The following CTPS2 variants were observed in gnomAD, a reference collection of about 807,000 sequenced individuals.
The protein encoded by CTPS2 is CTP synthase II.
Under a neutral mutation model 46.8 loss-of-function variants are expected in CTPS2, and 19 were observed. The observed-to-expected ratio is 0.41, with a 90% CI of 0.28 to 0.60. CTPS2 has a LOEUF of 0.60. CTPS2 is among the 20% of genes least tolerant of loss of function. The pLI is 0.35. For synonymous variants in CTPS2, 151 were observed against 165.2 expected, an observed-to-expected ratio of 0.91 and a Z score of 0.66; for missense variants, 286 against 447.6, an observed-to-expected ratio of 0.64 and a Z score of 3.26.
At chrX:16,597,270 T>C (rs1252132789) in intron 17 of CTPS2, among the ~76,000 whole-genome samples, 3 of 111,982 alleles carry the variant, frequency 2.7e-5, no homozygotes, top group African/African-American at 6.5e-5. Context: ...TCCTTGCCCA[T>C]GCCTATGTCC....
Position 16,617,065 on chromosome X carries a change from C to CA in CTPS2, c.1546+84dup, listed in dbSNP as rs1162838508. The CA allele has an allele frequency of 2.6e-4, 166 of 633,236 alleles. 1 individual carries two copies. The highest frequency in any genetic ancestry group is 1.4e-3 in the African/African-American group (60 of 43,991). The allele number at this position is 633,236 out of a possible 1,213,427, so 52.2% of individuals were successfully genotyped here. A position where few individuals can be genotyped will look rare whatever the true frequency, so the allele number is the denominator to read the frequency against. The stretch of plus-strand genomic sequence containing the variant: ...AAAGGAGAGAAGAAAAGAAAGAATG[C>CA]AAAAAAAACTGGGTCTCAAATTAGT... On this transcript the variant is annotated intron_variant, in intron 16 of 18. Coordinates refer to ENST00000359276, the MANE Select transcript of CTPS2 (RefSeq NM_175859.3).
chrX:16,599,467 CTTTTT>C (rs1009319649), intron 17 of CTPS2, among the ~76,000 whole-genome samples: 1 of 94,561 alleles, frequency 1.1e-5, no homozygotes, highest in African/African-American at 4.1e-5. Context: ...TTTTCTTTTT[CTTTTT>C]TTTCTTTTTT....
chrX:16,594,178 T>G (rs1292200711), intron 17 of CTPS2, among the ~76,000 whole-genome samples: 2 of 111,402 alleles, frequency 1.8e-5, no homozygotes, highest in East Asian at 5.6e-4. Context: ...CAGGACCCAC[T>G]AGGGCATGTC....
At chrX:16,637,747 C>A (rs1239886835) in intron 14 of CTPS2, among the ~76,000 whole-genome samples, 1 of 111,912 alleles carries the variant, frequency 8.9e-6, no homozygotes, top group Non-Finnish European at 1.9e-5. Flanking sequence ...AAAAAAAGTT[C>A]TTATATAGTA....
At chrX:16,602,039 C>G (rs1929698281) in intron 17 of CTPS2, among the ~76,000 whole-genome samples, 1 of 111,681 alleles carries the variant, frequency 9.0e-6, no homozygotes, top group Admixed American at 9.5e-5. Context: ...CACCTGCTGA[C>G]TATGAGCAAT....
At chrX:16,629,130 A>G (rs113107752) in intron 14 of CTPS2, among the ~76,000 whole-genome samples, 1,841 of 112,403 alleles carry the variant, frequency 0.016, 33 homozygotes, top group African/African-American at 0.056. Context: ...GTGGCTCCAC[A>G]GGCTGGGCTC....
At chrX:16,702,117 C>T (rs377636099) in intron 2 of CTPS2, among the ~76,000 whole-genome samples, 19 of 110,964 alleles carry the variant, frequency 1.7e-4, no homozygotes, top group African/African-American at 5.2e-4. Flanking sequence ...TGCAATGGCT[C>T]GATCTTGGCT....
intron 4 of CTPS2, among the ~76,000 whole-genome samples, chrX:16,694,748 C>A (rs1923982984): frequency 8.9e-6 from 1 of 112,509 alleles, no homozygotes; most frequent in Admixed American, 9.5e-5. Context: ...ACCTGTAATC[C>A]CAACACTTTG....
At chrX:16,677,848 G>A (rs761946794) in intron 10 of CTPS2, among the ~76,000 whole-genome samples, 17 of 111,612 alleles carry the variant, frequency 1.5e-4, no homozygotes, top group Admixed American at 2.9e-4. Context: ...GTCTAAAAGG[G>A]GGAGGCACGT....
chrX:16,624,502 GCAC>G (rs1931022389), intron 14 of CTPS2, among the ~76,000 whole-genome samples: 1 of 111,894 alleles, frequency 8.9e-6, no homozygotes, highest in South Asian at 3.7e-4. Context: ...TTTTAAAAAT[GCAC>G]CACAAGTCAC....
At chrX:16,667,426 G>A (rs981403614) in intron 13 of CTPS2, 88 bp downstream of exon 13, 17 of 988,605 alleles carry the variant, frequency 1.7e-5, no homozygotes, top group Admixed American at 4.5e-5. Flanking sequence ...GAGCCATGGC[G>A]CCCAGCCAAT....
At chrX:16,709,860 A>AAAC (rs1351727058) in intron 1 of CTPS2, among the ~76,000 whole-genome samples, 1 of 107,304 alleles carries the variant, frequency 9.3e-6, no homozygotes, top group Non-Finnish European at 1.9e-5. Flanking sequence ...AAAAAAAAAA[A>AAAC]AAAAAAAAAA....
chrX:16,628,200 A>G (rs1337918928), intron 14 of CTPS2, among the ~76,000 whole-genome samples: 2 of 111,300 alleles, frequency 1.8e-5, no homozygotes, highest in Non-Finnish European at 3.8e-5. Flanking sequence ...TTTTTATAAA[A>G]TATTTCATTT....
intron 15 of CTPS2, 149 bp downstream of exon 15, chrX:16,620,128 G>A: frequency 2.1e-6 from 1 of 472,680 alleles, no homozygotes; most frequent in African/African-American, 2.4e-5. Flanking sequence ...CATCTCCTCT[G>A]GAAGTGGGAG....
rs1271079506 is a variant in CTPS2 at position 16,590,833 on chromosome X, C to T, written c.1721G>A (p.Ser574Asn). ...SDRYSDASDD[S>N]FSEPRIAELE... ...CTCAGCTATCCTTGGCTCTGAAAAG[C>T]TGTCATCACTGGCATCACTGTATCT... Residue 574 changes from serine to asparagine, a missense_variant, in exon 18 of 19, where the codon AGC (serine) becomes AAC (asparagine). Transcript: ENST00000359276. The T allele has an allele frequency of 1.7e-6, 2 of 1,199,976 alleles. No homozygotes were observed. The highest frequency in any genetic ancestry group is 1.7e-5 in the African/African-American group (1 of 57,505).
intron 17 of CTPS2, among the ~76,000 whole-genome samples, chrX:16,608,010 G>A (rs1435763965): frequency 6.3e-5 from 7 of 111,435 alleles, no homozygotes; most frequent in Admixed American, 5.7e-4. Flanking sequence ...TCAGGAGTTC[G>A]AGACCAGCCT....
chrX:16,663,140 A>C (rs1275074954), intron 13 of CTPS2, among the ~76,000 whole-genome samples: 1 of 111,177 alleles, frequency 9.0e-6, no homozygotes, highest in Non-Finnish European at 1.9e-5. Context: ...AGCATGCTAC[A>C]AAGTTGTTTT....
chrX:16,661,446 G>T (rs11094709), intron 13 of CTPS2, among the ~76,000 whole-genome samples: 14,895 of 111,321 alleles, frequency 0.13, 756 homozygotes, highest in East Asian at 0.16. Flanking sequence ...CATCTGGTTT[G>T]TTTTCAACAC....
chrX:16,676,132 C>A (rs755829080), intron 10 of CTPS2, among the ~76,000 whole-genome samples: 1 of 111,971 alleles, frequency 8.9e-6, no homozygotes, highest in Non-Finnish European at 1.9e-5. Flanking sequence ...CAATAAGAAT[C>A]TTTTTTATTT....
Sources: allele counts gnomAD v4.1 joint callset (sites outside exome capture counted in the v4.1 genomes callset), GRCh38; gene constraint gnomAD v4.1.1; transcripts MANE v1.5; gene names NCBI Gene and HGNC (gene_info 2026-07-23, HGNC 2026-07-21).